The following PDE4D variants were observed in gnomAD, a reference collection of about 807,000 sequenced individuals.
PDE4D encodes phosphodiesterase 4D, also known as 3',5'-cyclic-AMP phosphodiesterase 4D.
PDE4D carries 24 observed loss-of-function variants against 87.4 expected under a neutral mutation model. That is an observed-to-expected ratio of 0.27 (90% CI 0.20 to 0.39). The LOEUF (loss-of-function observed/expected upper bound fraction) is 0.39, where lower values mean the gene tolerates loss of function less well. Among genes scored for constraint, PDE4D ranks in the 10% least tolerant of loss-of-function variants. PDE4D has a pLI of 1.00. For synonymous variants in PDE4D, 384 were observed against 383.2 expected (o/e 1.00, Z -0.02); for missense variants, 714 against 1,041.0 (o/e 0.69, Z 4.32).
intron 1 of PDE4D, among the ~76,000 whole-genome samples, chr5:59,842,350 A>T (rs1743143336): frequency 6.6e-6 from 1 of 152,038 alleles, no homozygotes; most frequent in South Asian, 2.1e-4. Context: ...CCTCCTCAAG[A>T]CTTTAGTGTA....
At chr5:59,168,112 C>T (rs150236086) in intron 5 of PDE4D, among the ~76,000 whole-genome samples, 13 of 152,020 alleles carry the variant, frequency 8.6e-5, no homozygotes, top group African/African-American at 2.2e-4. Context: ...AGAAGGAAGA[C>T]GGCACACTAG....
intron 1 of PDE4D, among the ~76,000 whole-genome samples, chr5:60,231,896 T>C (rs1240566343): frequency 2.0e-5 from 3 of 151,932 alleles, no homozygotes; most frequent in Admixed American, 6.6e-5. Context: ...ATAATAGTTG[T>C]ATGCCAAAAA....
Position 59,689,265 on chromosome 5 carries a change from A to C in PDE4D, c.455+203903T>G, listed in dbSNP as rs574061268. Reference sequence around the variant, plus strand: ...TACCAAAGCCTGGCAGAGACACAACAAAAAAAGAGAATTTTAGACCAATAT... The same window carrying C: ...TACCAAAGCCTGGCAGAGACACAACCAAAAAAGAGAATTTTAGACCAATAT... On this transcript the variant is annotated intron_variant, in intron 1 of 14. Transcript: ENST00000340635. Among the ~76,000 whole-genome samples the C allele has an allele frequency of 1.1e-3, 168 of 152,210 alleles. 1 individual carries two copies. The highest frequency in any genetic ancestry group is 3.9e-3 in the African/African-American group (162 of 41,532).
At chr5:59,535,071 GT>G (rs1367557125) in intron 1 of PDE4D, among the ~76,000 whole-genome samples, 23 of 83,032 alleles carry the variant, frequency 2.8e-4, no homozygotes, top group African/African-American at 8.7e-4. Context: ...GTGTGTGTGT[GT>G]GTGTGGGGGG....
At chr5:60,147,241 C>T (rs1781092658) in intron 2 of PDE4D, among the ~76,000 whole-genome samples, 1 of 152,168 alleles carries the variant, frequency 6.6e-6, no homozygotes. Flanking sequence ...TCCCAGAACA[C>T]CTTTGAAAGT....
chr5:59,374,978 G>A (rs1306933777), intron 1 of PDE4D, among the ~76,000 whole-genome samples: 1 of 152,138 alleles, frequency 6.6e-6, no homozygotes, highest in African/African-American at 2.4e-5. Flanking sequence ...TAAGGTTTTT[G>A]AAACAAATGA....
rs917710480 is a variant in PDE4D, at chr5:59,893,243, G to A, written c.380C>T (p.Ala127Val). The A allele has an allele frequency of 6.4e-7, 1 of 1,556,588 alleles. No homozygotes were observed. Among genetic ancestry groups the A allele is most frequent in the Non-Finnish European group, 8.7e-7 (1 of 1,149,858 alleles). ...YCRAMDRTSY[A>V]VETGHRPGLK... The stretch of plus-strand genomic sequence containing the variant: ...GCCGGGCCGGTGGCCGGTCTCCACC[G>A]CGTAGGAGGTGCGGTCCATGGCGCG... Residue 127 changes from alanine to valine, a missense_variant, in exon 1 of 15, where the codon GCG (alanine) becomes GTG (valine). Transcript: ENST00000340635.
chr5:59,304,428 C>G (rs761173639), intron 1 of PDE4D, among the ~76,000 whole-genome samples: 5 of 152,088 alleles, frequency 3.3e-5, no homozygotes, highest in African/African-American at 4.8e-5. Context: ...ACTTCCATTA[C>G]TATGTTGAAG....
rs147226946 is a variant in PDE4D at position 60,034,270 on chromosome 5, C to T, written c.43-45553G>A. On this transcript the variant is annotated intron_variant, in intron 2 of 16. Coordinates refer to the PDE4D transcript ENST00000502484. ...TGCCCTTACAACAAATTAACACAAA[C>T]TGAGTGGTTTAAAACACCACAAATA... 4.5e-3 allele frequency among the ~76,000 whole-genome samples: 681 copies of T among 152,292 alleles called. 3 individuals are homozygous for T. The highest frequency in any genetic ancestry group is 6.8e-3 in the Middle Eastern group (2 of 294).
intron 1 of PDE4D, among the ~76,000 whole-genome samples, chr5:60,248,781 C>T (rs983995957): frequency 2.6e-5 from 4 of 152,024 alleles, no homozygotes; most frequent in African/African-American, 9.7e-5. Context: ...GCTTCGATAG[C>T]CTGCTTTCCA....
intron 5 of PDE4D, chr5:59,157,307 G>A: frequency 1.4e-6 from 1 of 702,466 alleles, no homozygotes; most frequent in Non-Finnish European, 2.6e-6. Flanking sequence ...ATCTGCCAGG[G>A]TCACACGTGT....
chr5:59,961,892 GTTTA>G (rs1395823999), intron 3 of PDE4D, among the ~76,000 whole-genome samples: 1 of 152,136 alleles, frequency 6.6e-6, no homozygotes, highest in African/African-American at 2.4e-5. Flanking sequence ...TGGCAAGTGT[GTTTA>G]TTTAGCCAGA....
At chr5:59,044,762 T>C (rs1760332365) in intron 5 of PDE4D, among the ~76,000 whole-genome samples, 1 of 152,226 alleles carries the variant, frequency 6.6e-6, no homozygotes, top group African/African-American at 2.4e-5. Flanking sequence ...TTGTATAAAA[T>C]ATATAAAACT....
chr5:59,307,835 A>T (rs1246135023), intron 1 of PDE4D, among the ~76,000 whole-genome samples: 1 of 152,130 alleles, frequency 6.6e-6, no homozygotes, highest in Non-Finnish European at 1.5e-5. Context: ...TAGAAATACC[A>T]TTTGACCCAG....
In PDE4D at chr5:59,971,001, T is replaced by G. The variant is rs1274252325; in HGVS notation, c.272+17487A>C. Among the ~76,000 whole-genome samples, 4 of 151,826 alleles carry G rather than the reference T, an allele frequency of 2.6e-5. No individual in the cohort carries two copies. In the East Asian group the frequency reaches 7.8e-4, roughly 29 times the overall value. On this transcript the variant is annotated intron_variant, in intron 3 of 16. Transcript: ENST00000502484. ...GACTGGATTAAGAAAATGTGGCACA[T>G]ATACACCATGGAATACTATGTGGCC...
chr5:59,364,796 G>T (rs774297608), intron 1 of PDE4D, among the ~76,000 whole-genome samples: 51 of 151,956 alleles, frequency 3.4e-4, no homozygotes, highest in Non-Finnish European at 7.1e-4. Context: ...AAACCAACCA[G>T]CCTCCCTTCC....
At chr5:59,163,268 G>C (rs376887222) in intron 5 of PDE4D, among the ~76,000 whole-genome samples, 223 of 125,582 alleles carry the variant, frequency 1.8e-3, no homozygotes, top group African/African-American at 6.5e-3. Flanking sequence ...ATTTTTAAAT[G>C]AACAATCTTT....
chr5:59,628,571 C>A (rs1038549403), intron 1 of PDE4D, among the ~76,000 whole-genome samples: 1 of 152,048 alleles, frequency 6.6e-6, no homozygotes, highest in South Asian at 2.1e-4. Flanking sequence ...TGAGCCCTAA[C>A]CTCAAGCCAG....
intron 1 of PDE4D, among the ~76,000 whole-genome samples, chr5:60,516,469 C>T (rs1561327482): frequency 2.0e-5 from 3 of 152,190 alleles, no homozygotes; most frequent in Admixed American, 6.5e-5. Context: ...TCCCATCTCT[C>T]TGGTTCAGGA....
Sources: gnomAD v4.1 joint callset for allele counts (sites outside exome capture counted in the v4.1 genomes callset) on GRCh38, gnomAD v4.1.1 for gene constraint, MANE v1.5 for transcripts, NCBI Gene and HGNC (gene_info 2026-07-23, HGNC 2026-07-21) for gene names.